Variants in TBC1D32 observed in about 807,000 individuals in gnomAD.
The protein encoded by TBC1D32 is protein broad-minded.
Under a neutral mutation model 170.3 loss-of-function variants are expected in TBC1D32, and 151 were observed. The observed-to-expected ratio is 0.89, with a 90% CI of 0.78 to 1.01. The LOEUF (loss-of-function observed/expected upper bound fraction) is 1.01. Ranked by LOEUF, TBC1D32 falls within the 50% of genes least tolerant of loss-of-function variation. The pLI is 0.00. For missense variants in TBC1D32, 1,464 were observed against 1,457.1 expected, an observed-to-expected ratio of 1.00 and a Z score of -0.08; for synonymous variants, 498 against 488.0, an observed-to-expected ratio of 1.02 and a Z score of -0.27.
At chr6:121,216,801 A>G (rs1459147870) in intron 21 of TBC1D32, among the ~76,000 whole-genome samples, 2 of 152,188 alleles carry the variant, frequency 1.3e-5, no homozygotes, top group Non-Finnish European at 2.9e-5. Context: ...TGAGCCTCAA[A>G]TCTGCTAAAA....
intron 31 of TBC1D32, among the ~76,000 whole-genome samples, chr6:121,081,877 T>A (rs940574240): frequency 1.3e-5 from 2 of 152,012 alleles, no homozygotes; most frequent in African/African-American, 4.8e-5. Context: ...TATTTTGCCA[T>A]CATTACCAAA....
At chr6:121,124,293 G>C (rs1371674695) in intron 26 of TBC1D32, among the ~76,000 whole-genome samples, 1 of 151,986 alleles carries the variant, frequency 6.6e-6, no homozygotes, top group Non-Finnish European at 1.5e-5. Flanking sequence ...AGCTTTCCTG[G>C]ATATGGTATT....
chr6:121,161,669 A>G (rs773448684), intron 22 of TBC1D32, among the ~76,000 whole-genome samples: 13 of 152,196 alleles, frequency 8.5e-5, no homozygotes, highest in Non-Finnish European at 1.5e-4. Context: ...TTTGTCTAAT[A>G]GAAGGATTTA....
intron 15 of TBC1D32, among the ~76,000 whole-genome samples, chr6:121,259,652 T>C (rs951303695): frequency 6.6e-6 from 1 of 151,804 alleles, no homozygotes; most frequent in Admixed American, 6.6e-5. Context: ...AACCTGAAAA[T>C]CAAAATAACA....
At chr6:121,289,662 T>C (rs1279261337) in intron 12 of TBC1D32, among the ~76,000 whole-genome samples, 1 of 152,124 alleles carries the variant, frequency 6.6e-6, no homozygotes, top group African/African-American at 2.4e-5. Context: ...AAAGTTCATA[T>C]GGAACCAAAA....
chr6:121,270,387 G>A (rs1188322381), intron 15 of TBC1D32, among the ~76,000 whole-genome samples: 1 of 152,036 alleles, frequency 6.6e-6, no homozygotes, highest in Non-Finnish European at 1.5e-5. Flanking sequence ...AAAGAAAAGA[G>A]AGAAGAATCA....
chr6:121,086,798 C>T (rs1372044631), intron 31 of TBC1D32, among the ~76,000 whole-genome samples: 1 of 152,158 alleles, frequency 6.6e-6, no homozygotes, highest in Non-Finnish European at 1.5e-5. Context: ...TACAACACAG[C>T]TCACTAAAAC....
intron 24 of TBC1D32, among the ~76,000 whole-genome samples, chr6:121,156,498 G>A (rs372311565): frequency 3.3e-5 from 5 of 150,622 alleles, no homozygotes; most frequent in African/African-American, 1.2e-4. Context: ...TTTTATGGAT[G>A]TTTGTGTCAC....
At chr6:121,103,969 T>C (rs141643118) in intron 30 of TBC1D32, among the ~76,000 whole-genome samples, 250 of 152,052 alleles carry the variant, frequency 1.6e-3, no homozygotes, top group African/African-American at 5.6e-3. Flanking sequence ...ATGTTTTAGG[T>C]ATATATAGCA....
chr6:121,202,787 GTAT>G (rs1180471292), intron 22 of TBC1D32, among the ~76,000 whole-genome samples: 2 of 151,204 alleles, frequency 1.3e-5, no homozygotes, highest in African/African-American at 4.9e-5. Context: ...CCCTTCTTGA[GTAT>G]TAGTCATTTA....
At chr6:121,157,572 C>T (rs1004727890) in intron 24 of TBC1D32, among the ~76,000 whole-genome samples, 11 of 152,020 alleles carry the variant, frequency 7.2e-5, no homozygotes, top group African/African-American at 1.9e-4. Flanking sequence ...GTTTTATAGA[C>T]TTGATGGTGT....
chr6:121,265,992 C>T (rs9490150), intron 15 of TBC1D32, among the ~76,000 whole-genome samples: 2,144 of 152,182 alleles, frequency 0.014, 64 homozygotes, highest in African/African-American at 0.05. Context: ...CTAGACAATA[C>T]CATTCAGGAC....
rs767673915 is a variant in TBC1D32, at chr6:121,113,023, A to G, written c.3169+39T>C. The G allele has an allele frequency of 2.0e-6, 3 of 1,466,474 alleles. No individual in the cohort carries two copies. In the Admixed American group the frequency reaches 6.2e-5, roughly 30 times the overall value. The allele number at this position is 1,466,474 out of a possible 1,614,324, so 90.8% of individuals were successfully genotyped here. A position where few individuals can be genotyped will look rare whatever the true frequency, so the allele number is the denominator to read the frequency against. ...TCAAAGAATCATGAAAAATATGTGAAAAAAATTAAGCTATTGTGAATATAC... is the reference window on the plus strand; with the variant it reads ...TCAAAGAATCATGAAAAATATGTGAGAAAAATTAAGCTATTGTGAATATAC... On this transcript the variant is annotated intron_variant, in intron 28 of 31. Coordinates refer to ENST00000398212, the MANE Select transcript of TBC1D32 (RefSeq NM_152730.6).
chr6:121,095,252 T>C lies in TBC1D32; in HGVS notation c.3466-4211A>G, dbSNP rs531026327. ...CCACAGCTTTCCTAGGCAATTTTGTTCTTGAACCATACTTAACATTATGCC... is the reference window on the plus strand; with the variant it reads ...CCACAGCTTTCCTAGGCAATTTTGTCCTTGAACCATACTTAACATTATGCC... On this transcript the variant is annotated intron_variant, in intron 30 of 31. Transcript: ENST00000398212. Among the ~76,000 whole-genome samples the C allele has an allele frequency of 1.8e-3, 270 of 152,280 alleles. 1 individual carries two copies. Among genetic ancestry groups the C allele is most frequent in the Non-Finnish European group, 2.8e-3 (192 of 68,020 alleles).
intron 15 of TBC1D32, among the ~76,000 whole-genome samples, chr6:121,261,396 G>A (rs958006243): frequency 1.3e-5 from 2 of 152,144 alleles, no homozygotes; most frequent in African/African-American, 4.8e-5. Context: ...GCCCCTCAAG[G>A]TCAGAGATCC....
At chr6:121,235,648 G>C (rs1796242073) in intron 20 of TBC1D32, among the ~76,000 whole-genome samples, 1 of 152,304 alleles carries the variant, frequency 6.6e-6, no homozygotes, top group Non-Finnish European at 1.5e-5. Flanking sequence ...CTGGTGATCA[G>C]GGCGGAGAAC....
At chr6:121,114,038 G>C (rs1233543688) in intron 27 of TBC1D32, among the ~76,000 whole-genome samples, 3 of 152,096 alleles carry the variant, frequency 2.0e-5, no homozygotes, top group Non-Finnish European at 4.4e-5. Flanking sequence ...GCTGGGCATG[G>C]TGGCATGCAC....
intron 15 of TBC1D32, among the ~76,000 whole-genome samples, chr6:121,262,864 G>C (rs1460370653): frequency 6.6e-6 from 1 of 152,046 alleles, no homozygotes; most frequent in East Asian, 1.9e-4. Context: ...ATCCTTTACA[G>C]ACAATCAAAT....
chr6:121,259,861 C>T (rs1392985018), intron 15 of TBC1D32, among the ~76,000 whole-genome samples: 3 of 152,106 alleles, frequency 2.0e-5, no homozygotes, highest in African/African-American at 7.2e-5. Context: ...CCTCCAGATT[C>T]CCCCCAACAT....
Sources: gnomAD v4.1 joint callset for allele counts (sites outside exome capture counted in the v4.1 genomes callset) on GRCh38, gnomAD v4.1.1 for gene constraint, MANE v1.5 for transcripts, NCBI Gene and HGNC (gene_info 2026-07-23, HGNC 2026-07-21) for gene names.